Variants in RNFT2 observed in about 807,000 individuals in gnomAD.
RNFT2 encodes ring finger protein, transmembrane 2, also known as E3 ubiquitin-protein ligase RNFT2.
RNFT2 carries 36 observed loss-of-function variants against 53.0 expected under a neutral mutation model. That is an observed-to-expected ratio of 0.68 (90% CI 0.52 to 0.90). The LOEUF (loss-of-function observed/expected upper bound fraction) is 0.90, where lower values mean the gene tolerates loss of function less well. Among genes scored for constraint, RNFT2 ranks in the 40% least tolerant of loss-of-function variants. The pLI is 0.00. For synonymous variants in RNFT2, 260 were observed against 253.2 expected (o/e 1.03, Z -0.26); for missense variants, 514 against 585.6 (o/e 0.88, Z 1.26).
intron 7 of RNFT2, among the ~76,000 whole-genome samples, chr12:116,832,898 C>CTTTTTTTTTTTTTTTTTTTTTTTTTTT (rs71095601): frequency 2.4e-5 from 2 of 84,766 alleles, no homozygotes; most frequent in African/African-American, 4.8e-5. Context: ...AAGTCGTGTT[C>CTTTTTTTTTTTTTTTTTTTTTTTTTTT]TTTTTTTTTT....
At chr12:116,790,383 T>C (rs1037102811) in intron 7 of RNFT2, among the ~76,000 whole-genome samples, 2 of 152,180 alleles carry the variant, frequency 1.3e-5, no homozygotes. Flanking sequence ...TGAGTTTATA[T>C]CCTCTTAAAG....
intron 9 of RNFT2, 30 bp from the exon 10 acceptor site, chr12:116,836,151 A>G: frequency 6.3e-7 from 1 of 1,592,190 alleles, no homozygotes. Flanking sequence ...GGGCGCCCAT[A>G]GCTGTATTTG....
At chr12:116,805,897 T>C (rs951646432) in intron 7 of RNFT2, among the ~76,000 whole-genome samples, 4 of 152,248 alleles carry the variant, frequency 2.6e-5, no homozygotes, top group Non-Finnish European at 5.9e-5. Flanking sequence ...TCATTGCTTA[T>C]GTCAACTGAT....
chr12:116,749,930 C>T lies in RNFT2; in HGVS notation c.173C>T (p.Ala58Val), dbSNP rs1370121441. 10 of 1,578,988 alleles carry T rather than the reference C, an allele frequency of 6.3e-6. No homozygotes were observed. Among genetic ancestry groups the T allele is most frequent in the Admixed American group, 1.8e-5 (1 of 54,702 alleles). ...SLKAEAASPP[A>V]LFSGLSGSLP... ...AAGGCAGAGGCAGCCTCCCCACCAG[C>T]GCTCTTCTCGGGCTTATCAGGCAGC... is the stretch of plus-strand genomic sequence containing the variant. The change falls in exon 4 of 11, where the codon GCG becomes GTG. Residue 58 changes from alanine (A) to valine (V), a missense_variant. Physicochemically the swap from Ala to Val is moderately conservative, Grantham distance 64 (BLOSUM62 0). Around this residue, in one of 3 missense-constraint regions of RNFT2, gnomAD observed 237 missense variants for 235.1 expected, o/e 1.01. Coordinates refer to ENST00000257575, the MANE Select transcript of RNFT2 (RefSeq NM_001382266.1).
At chr12:116,836,650 C>T (rs1452447873) in intron 10 of RNFT2, among the ~76,000 whole-genome samples, 1 of 152,108 alleles carries the variant, frequency 6.6e-6, no homozygotes, top group African/African-American at 2.4e-5. Flanking sequence ...AGTGGCCAGG[C>T]ACAGTGGCTC....
intron 2 of RNFT2, 45 bp downstream of exon 2, chr12:116,740,566 T>C: frequency 2.0e-6 from 3 of 1,537,852 alleles, no homozygotes; most frequent in Non-Finnish European, 8.8e-7. Flanking sequence ...ACTACTTGAT[T>C]AAATGTGAGA....
At chr12:116,758,283 G>A (rs370369031) in intron 5 of RNFT2, among the ~76,000 whole-genome samples, 16 of 152,326 alleles carry the variant, frequency 1.1e-4, no homozygotes, top group African/African-American at 3.4e-4. Context: ...CTGTGATTCT[G>A]TGTCTTTTAA....
chr12:116,812,632 T>A (rs1429821232), intron 7 of RNFT2, among the ~76,000 whole-genome samples: 1 of 151,858 alleles, frequency 6.6e-6, no homozygotes, highest in Non-Finnish European at 1.5e-5. Flanking sequence ...CCTCCTGGGT[T>A]TAAACGGTTC....
At chr12:116,808,233 C>T (rs551468869) in intron 7 of RNFT2, among the ~76,000 whole-genome samples, 2 of 151,896 alleles carry the variant, frequency 1.3e-5, no homozygotes, top group Non-Finnish European at 2.9e-5. Context: ...CTAAAGTGCT[C>T]GTAAGCCACC....
chr12:116,741,213 G>A lies in RNFT2; in HGVS notation c.83+119G>A, dbSNP rs539998807. 2.4e-5 allele frequency: 18 copies of A among 751,486 alleles called. No individual in the cohort carries two copies. In the South Asian group the frequency reaches 2.8e-4, roughly 12 times the overall value. 46.6% of individuals were successfully genotyped at this position (751,486 alleles called of 1,614,324 possible). ...CGTTAGTTGTTAGAGTCACACTGAT[G>A]GCCTCATACTAAACATTCAACGCAT... On this transcript the variant is annotated intron_variant, in intron 3 of 10. Coordinates refer to ENST00000257575, the MANE Select transcript of RNFT2 (RefSeq NM_001382266.1).
At chr12:116,832,927 T>C (rs1353097913) in intron 7 of RNFT2, among the ~76,000 whole-genome samples, 1 of 112,748 alleles carries the variant, frequency 8.9e-6, no homozygotes, top group African/African-American at 3.4e-5. Flanking sequence ...TTTTTTGAGA[T>C]GGAGTCTTGC....
At position 116,851,439 on chromosome 12, in the gene RNFT2, T is replaced by G. The variant is rs1877920404; in HGVS notation, c.*1991T>G. Reference sequence around the variant, plus strand: ...GGCATGGGGCCCAGCAGACACGGTCTTCTAAAAGCACACGAGAGGCCGGGT... The same window carrying G: ...GGCATGGGGCCCAGCAGACACGGTCGTCTAAAAGCACACGAGAGGCCGGGT... On this transcript the variant is annotated 3_prime_UTR_variant, in exon 11 of 11. Transcript: ENST00000257575. 1 of 365,198 alleles carries G rather than the reference T, an allele frequency of 2.7e-6. No individual in the cohort carries two copies. The highest frequency in any genetic ancestry group is 4.4e-5 in the Admixed American group (1 of 22,814). 22.6% of individuals were successfully genotyped at this position (365,198 alleles called of 1,614,324 possible).
chr12:116,770,748 G>T (rs1873135595), intron 6 of RNFT2, among the ~76,000 whole-genome samples: 1 of 152,008 alleles, frequency 6.6e-6, no homozygotes, highest in African/African-American at 2.4e-5. Context: ...TAGTAGAGAT[G>T]AGGTTTCTCC....
At chr12:116,808,593 C>T (rs1244003040) in intron 7 of RNFT2, among the ~76,000 whole-genome samples, 16 of 152,106 alleles carry the variant, frequency 1.1e-4, no homozygotes, top group Admixed American at 9.8e-4. Flanking sequence ...TATGTAGTCC[C>T]GCCTGGCTCC....
intron 7 of RNFT2, among the ~76,000 whole-genome samples, chr12:116,786,825 TC>T (rs1873956675): frequency 6.6e-6 from 1 of 152,148 alleles, no homozygotes; most frequent in South Asian, 2.1e-4. Flanking sequence ...CTCCGGAGGC[TC>T]AAGGAGAGAA....
chr12:116,747,543 G>A (rs865872334), intron 3 of RNFT2, among the ~76,000 whole-genome samples: 2 of 151,942 alleles, frequency 1.3e-5, no homozygotes, highest in African/African-American at 2.4e-5. Context: ...GTGGATAATG[G>A]TCTCATATAA....
chr12:116,762,070 A>AT (rs1872712603), intron 5 of RNFT2, among the ~76,000 whole-genome samples: 1 of 151,286 alleles, frequency 6.6e-6, no homozygotes, highest in Non-Finnish European at 1.5e-5. Flanking sequence ...GTCTCAAAAA[A>AT]AAAAAAAAAA....
intron 5 of RNFT2, 51 bp from the exon 6 acceptor site, chr12:116,766,763 G>C (rs1297157730): frequency 7.3e-7 from 1 of 1,378,496 alleles, no homozygotes; most frequent in African/African-American, 1.4e-5. Context: ...CATTCTGGAA[G>C]GTTCTGCCAC....
At chr12:116,807,270 G>A (rs777850378) in intron 7 of RNFT2, among the ~76,000 whole-genome samples, 2 of 152,180 alleles carry the variant, frequency 1.3e-5, no homozygotes, top group African/African-American at 2.4e-5. Flanking sequence ...CTGTGGCCAG[G>A]CTGTGACTTC....
Sources: allele counts gnomAD v4.1 joint callset (sites outside exome capture counted in the v4.1 genomes callset), GRCh38; gene constraint gnomAD v4.1.1; regional missense constraint gnomAD v4.1.1; transcripts MANE v1.5; gene names NCBI Gene and HGNC (gene_info 2026-07-23, HGNC 2026-07-21).